Variants in COL22A1 observed in about 807,000 individuals in gnomAD.
The protein encoded by COL22A1 is collagen type XXII alpha 1 chain.
In COL22A1, 221 loss-of-function variants were observed where a neutral mutation model predicts 248.9. That is an observed-to-expected ratio of 0.89 (90% CI 0.80 to 0.99). The LOEUF is 0.99. COL22A1 is among the 50% of genes least tolerant of loss of function. COL22A1 has a pLI of 0.00. For missense variants in COL22A1, 2,240 were observed against 2,179.0 expected (o/e 1.03, Z -0.56); for synonymous variants, 891 against 793.4 (o/e 1.12, Z -2.07).
In COL22A1 at chr8:138,589,295, G is replaced by A. The variant is rs777805657; in HGVS notation, c.4839C>T (p.Phe1613=). The change falls in exon 65 of 65, where the codon TTC becomes TTT. Residue 1613 remains phenylalanine (F), a synonymous_variant. Transcript: ENST00000303045. The part of the protein sequence containing the change: ...GQCDPSQCAY[F]ASLAARPGNV... ...TACCCGGCCGGGCAGCAAGGCTGGC[G>A]AAGTAGGCACACTGGGAAGGGTCAC... 6.2e-6 allele frequency: 10 copies of A among 1,613,782 alleles called. No individual in the cohort carries two copies. The highest frequency in any genetic ancestry group is 5.3e-5 in the African/African-American group (4 of 74,884).
intron 49 of COL22A1, among the ~76,000 whole-genome samples, chr8:138,632,513 T>G (rs1423765227): frequency 6.6e-6 from 1 of 152,172 alleles, no homozygotes; most frequent in East Asian, 1.9e-4. Context: ...AATAAGCAAG[T>G]TCCCGCAGTA....
Position 138,637,893 on chromosome 8 carries a change from C to CA in COL22A1, c.3502-1099dup, listed in dbSNP as rs541159885. ...TAACCATCATCACCATAATCACTAT[C>CA]ATAATCATGATCACCATCAACATCA... On this transcript the variant is annotated intron_variant, in intron 47 of 64. Transcript: ENST00000303045. Among the ~76,000 whole-genome samples the CA allele has an allele frequency of 7.6e-4, 116 of 152,222 alleles. No individual in the cohort carries two copies. The Middle Eastern group carries it at 0.01, about 13-fold the overall frequency.
chr8:138,684,572 A>G, intron 38 of COL22A1, 103 bp from the exon 39 acceptor site: 2 of 832,358 alleles, frequency 2.4e-6, no homozygotes, highest in African/African-American at 1.7e-5. Context: ...GGACCCAGAG[A>G]TGGGTGAGAC....
At chr8:138,756,414 G>A (rs1304442429) in intron 18 of COL22A1, among the ~76,000 whole-genome samples, 7 of 152,074 alleles carry the variant, frequency 4.6e-5, no homozygotes, top group South Asian at 4.1e-4. Flanking sequence ...TGGCCTGACC[G>A]GATGTTCCAG....
intron 22 of COL22A1, among the ~76,000 whole-genome samples, chr8:138,749,403 T>C (rs1832403204): frequency 6.6e-6 from 1 of 152,198 alleles, no homozygotes; most frequent in Non-Finnish European, 1.5e-5. Flanking sequence ...CCACCCATCA[T>C]CTAACTCTAC....
At chr8:138,630,512 A>AAC (rs1820617008) in intron 50 of COL22A1, among the ~76,000 whole-genome samples, 183 bp downstream of exon 50, 1 of 152,202 alleles carries the variant, frequency 6.6e-6, no homozygotes. Context: ...CAGCAAAGTA[A>AAC]ACAGGGGTCC....
intron 3 of COL22A1, among the ~76,000 whole-genome samples, chr8:138,864,535 C>A (rs958435920): frequency 4.9e-4 from 75 of 152,090 alleles, no homozygotes; most frequent in Admixed American, 1.3e-4. Flanking sequence ...GGTTTTTGTG[C>A]AGGCATATTT....
intron 25 of COL22A1, among the ~76,000 whole-genome samples, chr8:138,722,850 CGG>C (rs1171912230): frequency 8.4e-5 from 1 of 11,848 alleles, no homozygotes; most frequent in Non-Finnish European, 1.6e-4. Context: ...CACATGGGGG[CGG>C]GGGGGGGGTG....
chr8:138,765,457 T>C (rs1357180927), intron 16 of COL22A1, among the ~76,000 whole-genome samples: 1 of 152,176 alleles, frequency 6.6e-6, no homozygotes, highest in Admixed American at 6.5e-5. Context: ...TGCACTTCCT[T>C]GTGACAGGCC....
At chr8:138,813,285 T>A (rs1375713681) in intron 7 of COL22A1, among the ~76,000 whole-genome samples, 1 of 99,610 alleles carries the variant, frequency 1.0e-5, no homozygotes, top group African/African-American at 3.6e-5. Context: ...TTCCCATGTG[T>A]TTCGGGAGGG....
chr8:138,602,393 G>A (rs1008035134), intron 59 of COL22A1, among the ~76,000 whole-genome samples: 1 of 152,132 alleles, frequency 6.6e-6, no homozygotes, highest in African/African-American at 2.4e-5. Context: ...CACCAGCCCT[G>A]GGTTGGCCCC....
At chr8:138,655,230 T>C (rs4909826) in intron 45 of COL22A1, among the ~76,000 whole-genome samples, 128,741 of 152,202 alleles carry the variant, frequency 0.85, 55,150 homozygotes, top group East Asian at 0.93. Flanking sequence ...ACATTTAGTG[T>C]AGCATAGCTC....
intron 47 of COL22A1, among the ~76,000 whole-genome samples, chr8:138,641,717 T>C (rs754559114): frequency 4.6e-5 from 7 of 152,144 alleles, no homozygotes; most frequent in Non-Finnish European, 1.0e-4. Flanking sequence ...GATGCTGCAT[T>C]GCAACTGCAA....
chr8:138,763,354 T>C (rs1418204242), intron 16 of COL22A1, among the ~76,000 whole-genome samples: 1 of 151,094 alleles, frequency 6.6e-6, no homozygotes, highest in African/African-American at 2.4e-5. Context: ...GCCACTGCTC[T>C]CCAGCCCGGG....
At chr8:138,591,902 C>T (rs1022333836) in intron 63 of COL22A1, among the ~76,000 whole-genome samples, 6 of 152,206 alleles carry the variant, frequency 3.9e-5, no homozygotes, top group Admixed American at 2.6e-4. Flanking sequence ...TACACACCTA[C>T]ACACTCTCTC....
At position 138,618,375 on chromosome 8, in the gene COL22A1, C is replaced by T. The variant is rs184457674; in HGVS notation, c.3825+1080G>A. On this transcript the variant is annotated intron_variant, in intron 53 of 64. Coordinates refer to ENST00000303045, the MANE Select transcript of COL22A1 (RefSeq NM_152888.3). ...TCCCTGCCTGGCTTTCTAACCTCAG[C>T]TCTTTCATTACAACTCCCAGTTGAC... is the stretch of plus-strand genomic sequence containing the variant. Among the ~76,000 whole-genome samples the T allele has an allele frequency of 3.9e-5, 6 of 152,320 alleles. No homozygotes were observed. The South Asian group carries it at 6.2e-4, about 16-fold the overall frequency.
chr8:138,679,525 G>A, intron 40 of COL22A1, 92 bp downstream of exon 40: 1 of 1,050,182 alleles, frequency 9.5e-7, no homozygotes, highest in Non-Finnish European at 1.5e-6. Context: ...TATCAACTAA[G>A]ACTCAGTCCC....
chr8:138,723,486 TCA>T (rs1337887244), intron 25 of COL22A1, among the ~76,000 whole-genome samples: 2 of 152,204 alleles, frequency 1.3e-5, no homozygotes, highest in Non-Finnish European at 2.9e-5. Context: ...TGAGAAATGC[TCA>T]CAGTGTCTTT....
chr8:138,652,214 T>C (rs1010244198), intron 45 of COL22A1, among the ~76,000 whole-genome samples: 5 of 152,206 alleles, frequency 3.3e-5, no homozygotes, highest in Admixed American at 6.5e-5. Flanking sequence ...TAGGGTTGTG[T>C]TTCCAACCAA....
Sources: allele counts gnomAD v4.1 joint callset (sites outside exome capture counted in the v4.1 genomes callset), GRCh38; gene constraint gnomAD v4.1.1; transcripts MANE v1.5; gene names NCBI Gene and HGNC (gene_info 2026-07-23, HGNC 2026-07-21).